The following LIPJ variants were observed in gnomAD, a reference collection of about 807,000 sequenced individuals.
LIPJ encodes lipase family member J.
Under a neutral mutation model 39.8 loss-of-function variants are expected in LIPJ, and 33 were observed. The ratio of observed to expected loss-of-function variants is 0.83; its 90% CI spans 0.63 to 1.11. LIPJ has a LOEUF of 1.11. Among genes scored for constraint, LIPJ ranks in the 50% least tolerant of loss-of-function variants. LIPJ has a pLI of 0.00. For missense variants in LIPJ, 422 were observed against 427.9 expected (o/e 0.99, Z 0.12); for synonymous variants, 128 against 139.2 (o/e 0.92, Z 0.57).
At chr10:88,587,837 G>C (rs1850957781) in intron 2 of LIPJ, among the ~76,000 whole-genome samples, 2 of 151,912 alleles carry the variant, frequency 1.3e-5, no homozygotes, top group Admixed American at 1.3e-4. Context: ...AGGTTTACAG[G>C]CCAAGGTAAT....
intron 7 of LIPJ, 109 bp from the exon 8 acceptor site, chr10:88,596,681 A>G: frequency 1.8e-6 from 2 of 1,099,648 alleles, no homozygotes; most frequent in Non-Finnish European, 2.6e-6. Flanking sequence ...AAAATTTTCA[A>G]ACTACTGTGA....
the LIPJ span, among the ~76,000 whole-genome samples, chr10:88,622,088 G>C: frequency 3.9e-5 from 6 of 152,124 alleles, no homozygotes; most frequent in Non-Finnish European, 7.4e-5. Flanking sequence ...TGCTCCTCCT[G>C]AGCTCACCCT....
chr10:88,587,642 G>T (rs1035498523), intron 2 of LIPJ, among the ~76,000 whole-genome samples: 2 of 151,992 alleles, frequency 1.3e-5, no homozygotes, highest in African/African-American at 2.4e-5. Flanking sequence ...TAGTGCTGTG[G>T]TACAAAACTA....
intron 8 of LIPJ, among the ~76,000 whole-genome samples, chr10:88,599,688 T>TAC (rs113053586): frequency 7.0e-4 from 106 of 150,958 alleles, no homozygotes; most frequent in Middle Eastern, 3.4e-3. Flanking sequence ...CATACATATA[T>TAC]ACACACACAC....
chr10:88,588,776 A>G (rs923764201), intron 2 of LIPJ, among the ~76,000 whole-genome samples: 1 of 151,974 alleles, frequency 6.6e-6, no homozygotes, highest in Non-Finnish European at 1.5e-5. Flanking sequence ...TAAAATATTC[A>G]GTTTCTCACT....
chr10:88,608,977 A>G (rs1564941934), downstream of LIPJ, among the ~76,000 whole-genome samples: 1 of 152,206 alleles, frequency 6.6e-6, no homozygotes, highest in Non-Finnish European at 1.5e-5. Context: ...AACCAGTGGG[A>G]AACCTCTAGA....
At chr10:88,596,212 G>GT in intron 6 of LIPJ, 68 bp from the exon 7 acceptor site, 1 of 1,017,448 alleles carries the variant, frequency 9.8e-7, no homozygotes, top group Non-Finnish European at 1.3e-6. Context: ...ATTCTCCTTG[G>GT]TGTCATCTCT....
At chr10:88,622,938 G>C in the LIPJ span, among the ~76,000 whole-genome samples, 1 of 152,090 alleles carries the variant, frequency 6.6e-6, no homozygotes, top group South Asian at 2.1e-4. Flanking sequence ...CTTAGATCAT[G>C]ATTCAAATTT....
At chr10:88,587,554 T>C (rs1002729906) in intron 2 of LIPJ, among the ~76,000 whole-genome samples, 162 bp downstream of exon 2, 1 of 152,138 alleles carries the variant, frequency 6.6e-6, no homozygotes, top group South Asian at 2.1e-4. Context: ...GATATCTTCA[T>C]ATTTTGTTTA....
chr10:88,583,369 TGA>T (rs1336964463), upstream of LIPJ: 1 of 1,393,438 alleles, frequency 7.2e-7, no homozygotes, highest in Non-Finnish European at 9.3e-7. Flanking sequence ...CGGCCGGAGC[TGA>T]GAGGCCCCTC....
intron 5 of LIPJ, 118 bp from the exon 6 acceptor site, chr10:88,594,549 T>G: frequency 2.0e-6 from 1 of 503,036 alleles, no homozygotes; most frequent in Non-Finnish European, 3.5e-6. Flanking sequence ...ACCGTATAAC[T>G]TCCTTATTAA....
chr10:88,583,386 C>T (rs959831408), upstream of LIPJ: 2 of 1,385,258 alleles, frequency 1.4e-6, no homozygotes, highest in African/African-American at 1.5e-5. Context: ...CCCCTCCGTC[C>T]TTGAGGAGCA....
At chr10:88,591,602 G>C (rs1319197353) in intron 4 of LIPJ, 104 bp downstream of exon 4, 1 of 995,012 alleles carries the variant, frequency 1.0e-6, no homozygotes, top group Non-Finnish European at 1.4e-6. Flanking sequence ...TTAAGATTAA[G>C]TGAATAGTTA....
intron 4 of LIPJ, 98 bp from the exon 5 acceptor site, chr10:88,593,847 CT>C: frequency 9.9e-7 from 1 of 1,007,810 alleles, no homozygotes; most frequent in South Asian, 1.7e-5. Flanking sequence ...TTTTTAAAAT[CT>C]TTAAACTGTC....
the LIPJ span, among the ~76,000 whole-genome samples, chr10:88,616,904 C>T: frequency 6.6e-6 from 1 of 152,170 alleles, no homozygotes; most frequent in African/African-American, 2.4e-5. Context: ...GACATGGAGG[C>T]CCTGCTGGGC....
chr10:88,613,295 C>T, the LIPJ span, among the ~76,000 whole-genome samples: 9 of 152,092 alleles, frequency 5.9e-5, no homozygotes, highest in Admixed American at 2.6e-4. Flanking sequence ...CTTCTCCAGG[C>T]GGGAACTATT....
At chr10:88,596,202 A>G in intron 6 of LIPJ, 78 bp from the exon 7 acceptor site, 1 of 961,358 alleles carries the variant, frequency 1.0e-6, no homozygotes, top group Non-Finnish European at 1.4e-6. Flanking sequence ...ACTTACTCTT[A>G]TTCTCCTTGG....
chr10:88,583,244 C>T (rs1042722475), upstream of LIPJ: 3 of 1,602,068 alleles, frequency 1.9e-6, no homozygotes, highest in Admixed American at 1.7e-5. Context: ...CCGTTCGGCC[C>T]GGGCTTTCTG....
intron 9 of LIPJ, among the ~76,000 whole-genome samples, 188 bp from the exon 10 acceptor site, chr10:88,605,445 C>G (rs190224972): frequency 3.6e-4 from 55 of 152,160 alleles, no homozygotes; most frequent in African/African-American, 1.3e-3. Flanking sequence ...CTTTAGATTC[C>G]CCTGCCCCCA....
Sources: gnomAD v4.1 joint callset for allele counts (sites outside exome capture counted in the v4.1 genomes callset) on GRCh38, gnomAD v4.1.1 for gene constraint, MANE v1.5 for transcripts, NCBI Gene and HGNC (gene_info 2026-07-23, HGNC 2026-07-21) for gene names.